DLGAP1: variants seen among roughly 807,000 people sequenced by gnomAD.
DLGAP1 encodes disks large-associated protein 1.
In DLGAP1, 11 loss-of-function variants were observed where a neutral mutation model predicts 90.8. The ratio of observed to expected loss-of-function variants is 0.12; its 90% CI spans 0.08 to 0.20. The LOEUF is 0.20. Ranked by LOEUF, DLGAP1 falls within the 10% of genes least tolerant of loss-of-function variation. The pLI is 1.00. For synonymous variants in DLGAP1, 558 were observed against 540.7 expected (o/e 1.03, Z -0.44); for missense variants, 1,050 against 1,333.8 (o/e 0.79, Z 3.31).
chr18:3,915,528 C>T (rs896073136), intron 3 of DLGAP1, among the ~76,000 whole-genome samples: 3 of 152,130 alleles, frequency 2.0e-5, no homozygotes, highest in African/African-American at 7.2e-5. Flanking sequence ...TTAAAAAGGG[C>T]ATTTAGAACC....
At chr18:3,855,842 A>G (rs1599015541) in intron 4 of DLGAP1, among the ~76,000 whole-genome samples, 1 of 152,100 alleles carries the variant, frequency 6.6e-6, no homozygotes, top group Non-Finnish European at 1.5e-5. Context: ...GGAACTCCTG[A>G]CCTCGTGATC....
chr18:3,725,721 T>A (rs1668618325), intron 7 of DLGAP1, among the ~76,000 whole-genome samples: 2 of 152,178 alleles, frequency 1.3e-5, no homozygotes, highest in Admixed American at 6.5e-5. Flanking sequence ...TCTACCATAG[T>A]TAGACAAGCC....
At chr18:4,001,263 T>C (rs776524895) in intron 3 of DLGAP1, among the ~76,000 whole-genome samples, 10 of 150,940 alleles carry the variant, frequency 6.6e-5, no homozygotes, top group Admixed American at 2.6e-4. Flanking sequence ...TTGAAGTCTT[T>C]GTTTTTTCAA....
intron 1 of DLGAP1, among the ~76,000 whole-genome samples, chr18:4,161,237 C>A (rs572802161): frequency 2.0e-5 from 3 of 152,198 alleles, no homozygotes; most frequent in African/African-American, 7.2e-5. Flanking sequence ...TCCCTCCCGC[C>A]ACCTTTCCCC....
At chr18:4,451,781 TCAA>T (rs1182527200) in intron 1 of DLGAP1, among the ~76,000 whole-genome samples, 3 of 152,180 alleles carry the variant, frequency 2.0e-5, no homozygotes, top group African/African-American at 7.2e-5. Flanking sequence ...TTCAGGTGTT[TCAA>T]CAACAACATA....
intron 5 of DLGAP1, among the ~76,000 whole-genome samples, chr18:3,803,108 G>A (rs553049992): frequency 3.9e-5 from 6 of 152,116 alleles, no homozygotes; most frequent in South Asian, 2.1e-4. Context: ...TTTCCATCAC[G>A]GCCAATATCA....
chr18:4,411,153 C>T (rs2082768677), intron 1 of DLGAP1, among the ~76,000 whole-genome samples: 1 of 152,134 alleles, frequency 6.6e-6, no homozygotes, highest in Non-Finnish European at 1.5e-5. Context: ...GCCAAGAGGG[C>T]TCTCCAACAA....
At chr18:3,825,986 G>A (rs2067689735) in intron 4 of DLGAP1, among the ~76,000 whole-genome samples, 1 of 152,186 alleles carries the variant, frequency 6.6e-6, no homozygotes, top group African/African-American at 2.4e-5. Context: ...CAACACAAAT[G>A]CAGCTGGAAG....
chr18:3,513,690 T>A (rs1039784168), intron 10 of DLGAP1, among the ~76,000 whole-genome samples: 3 of 152,212 alleles, frequency 2.0e-5, no homozygotes, highest in Non-Finnish European at 4.4e-5. Flanking sequence ...GCTCTTTTTT[T>A]CTTTTACAGA....
chr18:4,387,189 C>T (rs769105207), intron 1 of DLGAP1, among the ~76,000 whole-genome samples: 2 of 152,080 alleles, frequency 1.3e-5, no homozygotes, highest in Non-Finnish European at 2.9e-5. Flanking sequence ...AAAAGGTAGG[C>T]AATATCAATC....
At chr18:3,632,364 C>T (rs1452786783) in intron 7 of DLGAP1, among the ~76,000 whole-genome samples, 1 of 151,074 alleles carries the variant, frequency 6.6e-6, no homozygotes, top group Admixed American at 6.6e-5. Context: ...TGCAGTGGAC[C>T]GATCTCTGCT....
chr18:4,322,943 G>GAAAAAAAAAAAAAAAAAAAAAAAAA, intron 1 of DLGAP1, among the ~76,000 whole-genome samples: 2 of 97,602 alleles, frequency 2.0e-5, no homozygotes, highest in Non-Finnish European at 3.9e-5. Context: ...CCTGGGCACA[G>GAAAAAAAAAAAAAAAAAAAAAAAAA]AAAAAAAAAA....
At chr18:4,178,201 A>AC (rs1491563511) in intron 1 of DLGAP1, among the ~76,000 whole-genome samples, 9 of 125,206 alleles carry the variant, frequency 7.2e-5, no homozygotes, top group African/African-American at 3.0e-4. Context: ...GTCCTGGAAT[A>AC]AACACACACA....
intron 7 of DLGAP1, among the ~76,000 whole-genome samples, chr18:3,668,019 C>T (rs535582916): frequency 1.3e-5 from 2 of 152,240 alleles, no homozygotes; most frequent in South Asian, 4.1e-4. Context: ...AAAGAGAAGC[C>T]CACAGCACAC....
intron 3 of DLGAP1, among the ~76,000 whole-genome samples, chr18:3,989,865 A>G (rs577058942): frequency 2.0e-5 from 3 of 152,368 alleles, no homozygotes; most frequent in African/African-American, 7.2e-5. Context: ...TTATGCAGCC[A>G]AAAGACACAT....
chr18:3,731,257 A>G (rs1159240693), intron 6 of DLGAP1, among the ~76,000 whole-genome samples: 1 of 152,128 alleles, frequency 6.6e-6, no homozygotes, highest in African/African-American at 2.4e-5. Context: ...CTTTACAAAG[A>G]GATAGCAAAA....
At chr18:4,298,625 G>A (rs2080043058) in intron 1 of DLGAP1, among the ~76,000 whole-genome samples, 1 of 152,098 alleles carries the variant, frequency 6.6e-6, no homozygotes. Context: ...GACTGTTGTG[G>A]GGTGGGGGGA....
chr18:4,191,078 AT>A (rs1441994397), intron 1 of DLGAP1, among the ~76,000 whole-genome samples: 3 of 152,028 alleles, frequency 2.0e-5, no homozygotes, highest in Non-Finnish European at 4.4e-5. Flanking sequence ...AGTTGCAAAA[AT>A]TTTTTTCATT....
intron 1 of DLGAP1, among the ~76,000 whole-genome samples, chr18:4,253,717 T>C (rs1013242981): frequency 6.6e-6 from 1 of 152,170 alleles, no homozygotes; most frequent in African/African-American, 2.4e-5. Flanking sequence ...GCAGAACTAT[T>C]ATTATCAAGA....
Sources: gnomAD v4.1 joint callset for allele counts (sites outside exome capture counted in the v4.1 genomes callset) on GRCh38, gnomAD v4.1.1 for gene constraint, MANE v1.5 for transcripts, NCBI Gene and HGNC (gene_info 2026-07-23, HGNC 2026-07-21) for gene names.